The following GLRA3 variants were observed in gnomAD, a reference collection of about 807,000 sequenced individuals.
GLRA3 encodes the protein glycine receptor alpha 3.
In GLRA3, 44 loss-of-function variants were observed where a neutral mutation model predicts 60.4. The ratio of observed to expected loss-of-function variants is 0.73; its 90% confidence interval spans 0.57 to 0.94. GLRA3 has a LOEUF of 0.94. Among genes scored for constraint, GLRA3 ranks in the 40% least tolerant of loss-of-function variants. The pLI, the probability that GLRA3 is intolerant of heterozygous loss-of-function variation, is 0.00. For missense variants in GLRA3, 508 were observed against 564.6 expected, an observed-to-expected ratio of 0.90 and a Z score of 1.02; for synonymous variants, 223 against 192.9, an observed-to-expected ratio of 1.16 and a Z score of -1.29.
chr4:174,766,939 C>T (rs1214664101), intron 3 of GLRA3, 24 bp downstream of exon 3: 3 of 1,344,588 alleles, frequency 2.2e-6, no homozygotes, highest in Non-Finnish European at 3.2e-6. Flanking sequence ...TAGTGTGAAA[C>T]TTGTTGCAAA....
In GLRA3 at chr4:174,682,872, T is replaced by C. The variant is rs760425761; in HGVS notation, c.642A>G (p.Gly214=). 1.9e-6 allele frequency: 3 copies of C among 1,612,002 alleles called. No homozygotes were observed. The highest frequency in any genetic ancestry group is 1.1e-5 in the South Asian group (1 of 91,048). The change falls in exon 6 of 10, where the codon GGA becomes GGG. Residue 214 remains glycine, a synonymous_variant. Coordinates refer to ENST00000274093, the MANE Select transcript of GLRA3 (RefSeq NM_006529.4). Reference sequence around the variant, plus strand: ...TCAACAGAAACTGGGGCAAAGTGAGTCCTTCTGCCACTTGTACGGGTGCCT... The same window carrying C: ...TCAACAGAAACTGGGGCAAAGTGAGCCCTTCTGCCACTTGTACGGGTGCCT... ...QDEAPVQVAE[G]LTLPQFLLKE...
intron 1 of GLRA3, among the ~76,000 whole-genome samples, chr4:174,817,281 A>G (rs759621705): frequency 5.9e-5 from 9 of 152,224 alleles, no homozygotes; most frequent in Non-Finnish European, 1.2e-4. Flanking sequence ...CAGAGCATCT[A>G]TCTTCGATCT....
intron 5 of GLRA3, among the ~76,000 whole-genome samples, chr4:174,698,644 AG>A (rs774200686): frequency 1.7e-4 from 26 of 152,364 alleles, no homozygotes; most frequent in Non-Finnish European, 3.5e-4. Context: ...AAGCATTTGA[AG>A]AGTATTATTA....
In GLRA3 at chr4:174,642,298, G is replaced by T. The variant is rs1172878251; in HGVS notation, c.*1488C>A. 6 of 956,314 alleles carry T rather than the reference G, an allele frequency of 6.3e-6. No homozygotes were observed. The highest frequency in any genetic ancestry group is 7.5e-6 in the Non-Finnish European group (6 of 804,944). The allele number at this position is 956,314 out of a possible 1,614,324, so 59.2% of individuals were successfully genotyped here. A position where few individuals can be genotyped will look rare whatever the true frequency, so the allele number is the denominator to read the frequency against. On this transcript the variant is annotated 3_prime_UTR_variant, in exon 10 of 10. Transcript: ENST00000274093. The stretch of plus-strand genomic sequence containing the variant: ...AAAATAGCATCTTGTTAAAGAACTG[G>T]CTTTTCTATTGTACATCTGAGTTCA...
rs139990008 is a variant in GLRA3 at position 174,646,063 on chromosome 4, T to C, written c.1117-1999A>G. Among the ~76,000 whole-genome samples the C allele has an allele frequency of 1.6e-4, 25 of 152,314 alleles. No individual in the cohort carries two copies. The East Asian group carries it at 4.8e-3, about 29-fold the overall frequency. ...ATAGCAACCTATGTGTTAAAAGACA[T>C]CTATCTCAAAGTAAGACAAAATATG... is the stretch of plus-strand genomic sequence containing the variant. On this transcript the variant is annotated intron_variant, in intron 9 of 9. Transcript: ENST00000274093.
In GLRA3 at chr4:174,828,851, C is replaced by A. The variant is rs370046274; in HGVS notation, c.-40G>T. On this transcript the variant is annotated 5_prime_UTR_variant, in exon 1 of 10. Transcript: ENST00000274093. ...TTCACGATCCTGAAAATAGTCTTAT[C>A]CAAGGCATGGGGAACCAGAAAGACA... The A allele has an allele frequency of 9.5e-5, 125 of 1,321,486 alleles. No homozygotes were observed. Among genetic ancestry groups the A allele is most frequent in the Middle Eastern group, 1.8e-4 (1 of 5,568 alleles). The allele number at this position is 1,321,486 out of a possible 1,614,324, so 81.9% of individuals were successfully genotyped here. A position where few individuals can be genotyped will look rare whatever the true frequency, so the allele number is the denominator to read the frequency against.
intron 7 of GLRA3, among the ~76,000 whole-genome samples, chr4:174,671,312 C>A (rs1316925527): frequency 6.6e-6 from 1 of 152,072 alleles, no homozygotes; most frequent in African/African-American, 2.4e-5. Context: ...ATAGGAAAAC[C>A]TGATTACTAT....
chr4:174,710,548 T>C (rs988002038), intron 5 of GLRA3, among the ~76,000 whole-genome samples: 6 of 152,112 alleles, frequency 3.9e-5, no homozygotes. Flanking sequence ...GTTCCTATCA[T>C]TATTGTCTCC....
At chr4:174,782,856 G>A (rs1477705058) in intron 2 of GLRA3, among the ~76,000 whole-genome samples, 2 of 151,936 alleles carry the variant, frequency 1.3e-5, no homozygotes, top group Non-Finnish European at 2.9e-5. Context: ...ATGCTCATGG[G>A]TAGGAAGAAT....
chr4:174,676,271 T>C (rs1271143365), intron 7 of GLRA3, among the ~76,000 whole-genome samples: 3 of 152,108 alleles, frequency 2.0e-5, no homozygotes, highest in African/African-American at 7.2e-5. Context: ...TGGAATTAGA[T>C]AAGGTCTCCT....
intron 5 of GLRA3, among the ~76,000 whole-genome samples, chr4:174,688,823 A>G (rs965267421): frequency 6.6e-6 from 1 of 152,146 alleles, no homozygotes; most frequent in South Asian, 2.1e-4. Flanking sequence ...AAAACATCAG[A>G]GAGGGAATAT....
In GLRA3 at chr4:174,760,022, AT is replaced by A. The variant is rs143399021; in HGVS notation, c.267+6940del. Reference sequence around the variant, plus strand: ...TAAATTTTGTGAATTAAAATTATTTATACATCAAAAAGAATGCCTTGAAGAG... The same window carrying A: ...TAAATTTTGTGAATTAAAATTATTTAACATCAAAAAGAATGCCTTGAAGAG... On this transcript the variant is annotated intron_variant, in intron 3 of 9. Coordinates refer to ENST00000274093, the MANE Select transcript of GLRA3 (RefSeq NM_006529.4). 9.8e-3 allele frequency among the ~76,000 whole-genome samples: 1,496 copies of A among 152,306 alleles called. 18 individuals are homozygous for A. Among genetic ancestry groups the A allele is most frequent in the African/African-American group, 0.033 (1,381 of 41,566 alleles).
In GLRA3 at chr4:174,813,756, C is replaced by T. The variant is rs150125963; in HGVS notation, c.71+14985G>A. ...TTTAAAATCTATCCTTCAACTATTG[C>T]TATTAAAACTTTTCTTTGTCATCTT... is the stretch of plus-strand genomic sequence containing the variant. On this transcript the variant is annotated intron_variant, in intron 1 of 9. Transcript: ENST00000274093. Among the ~76,000 whole-genome samples, 808 of 152,308 alleles carry T rather than the reference C, an allele frequency of 5.3e-3. 5 individuals carry two copies. The highest frequency in any genetic ancestry group is 0.018 in the African/African-American group (763 of 41,560).
At chr4:174,705,038 T>C (rs1386808433) in intron 5 of GLRA3, among the ~76,000 whole-genome samples, 2 of 144,180 alleles carry the variant, frequency 1.4e-5, no homozygotes, top group Non-Finnish European at 3.1e-5. Context: ...TACCAAATAC[T>C]ACTGAACCGA....
At chr4:174,758,446 GA>G (rs764667943) in intron 3 of GLRA3, among the ~76,000 whole-genome samples, 3 of 152,048 alleles carry the variant, frequency 2.0e-5, no homozygotes, top group Non-Finnish European at 2.9e-5. Context: ...CCAATTGAGA[GA>G]CATTCTACAA....
At chr4:174,797,559 T>C (rs1260780753) in intron 1 of GLRA3, among the ~76,000 whole-genome samples, 1 of 152,192 alleles carries the variant, frequency 6.6e-6, no homozygotes, top group African/African-American at 2.4e-5. Flanking sequence ...TCAGAAACTT[T>C]AATTTCATAA....
chr4:174,659,111 A>C lies in GLRA3; in HGVS notation c.1014T>G (p.Asn338Lys), dbSNP rs539891118. 1 of 1,612,812 alleles carries C rather than the reference A, an allele frequency of 6.2e-7. No homozygotes were observed. Among genetic ancestry groups the C allele is most frequent in the South Asian group, 1.1e-5 (1 of 91,050 alleles). Reference sequence around the variant, plus strand: ...GTTCTTTGTGTTGTCTTGATACAAAATTTACAGCTGCATACTCCAGAAGTG... The same window carrying C: ...GTTCTTTGTGTTGTCTTGATACAAACTTTACAGCTGCATACTCCAGAAGTG... ...FSALLEYAAVNFVSRQHKELL... is the reference protein window; with the variant it reads ...FSALLEYAAVKFVSRQHKELL... Residue 338 changes from asparagine to lysine, a missense_variant, in exon 8 of 10, where the codon AAT becomes AAG. By Grantham distance (94) the Asn-to-Lys change is moderately conservative. This residue lies in a region of GLRA3 where 176 missense variants were observed against 197.9 expected (regional missense o/e 0.89). Coordinates refer to ENST00000274093, the MANE Select transcript of GLRA3 (RefSeq NM_006529.4).
chr4:174,817,594 G>T (rs1428366032), intron 1 of GLRA3, among the ~76,000 whole-genome samples: 1 of 152,036 alleles, frequency 6.6e-6, no homozygotes, highest in Non-Finnish European at 1.5e-5. Context: ...TAGATAATCT[G>T]GCATTAAGGT....
At chr4:174,700,946 C>T (rs1417819031) in intron 5 of GLRA3, among the ~76,000 whole-genome samples, 3 of 152,180 alleles carry the variant, frequency 2.0e-5, no homozygotes, top group Admixed American at 6.5e-5. Flanking sequence ...GCCCTCTCCA[C>T]ATAAAAGTGC....
Sources: gnomAD v4.1 joint callset for allele counts (sites outside exome capture counted in the v4.1 genomes callset) on GRCh38, gnomAD v4.1.1 for gene constraint, gnomAD v4.1.1 regional missense constraint, MANE v1.5 for transcripts, NCBI Gene and HGNC (gene_info 2026-07-23, HGNC 2026-07-21) for gene names.